SLC2A9: variants seen among roughly 807,000 people sequenced by gnomAD.
SLC2A9 encodes solute carrier family 2 member 9.
A neutral mutation model predicts 50.6 loss-of-function variants in SLC2A9; 39 were observed. The ratio of observed to expected loss-of-function variants is 0.77; its 90% CI spans 0.60 to 1.01. The LOEUF (loss-of-function observed/expected upper bound fraction) is 1.01. SLC2A9 is among the 50% of genes least tolerant of loss of function. The pLI, the probability that SLC2A9 is intolerant of heterozygous loss-of-function variation, is 0.00. For missense variants in SLC2A9, 686 were observed against 677.6 expected (o/e 1.01, Z -0.14); for synonymous variants, 324 against 276.9 (o/e 1.17, Z -1.69).
chr4:9,956,005 G>GT (rs1481416962), intron 5 of SLC2A9, among the ~76,000 whole-genome samples: 2 of 150,910 alleles, frequency 1.3e-5, no homozygotes, highest in Non-Finnish European at 2.9e-5. Context: ...AGCCTCCCGA[G>GT]TAGCTGGGAT....
At chr4:9,776,108 CA>C (rs1717529679), downstream of SLC2A9, among the ~76,000 whole-genome samples, 3 of 151,980 alleles carry the variant, frequency 2.0e-5, no homozygotes, top group South Asian at 6.2e-4. Flanking sequence ...CTGCCACAAA[CA>C]GCAAGTGAAA....
At chr4:9,837,964 C>T (rs1056693015) in intron 10 of SLC2A9, among the ~76,000 whole-genome samples, 2 of 152,162 alleles carry the variant, frequency 1.3e-5, no homozygotes, top group East Asian at 1.9e-4. Context: ...CTTTCTAGAA[C>T]GGAATTCTCT....
At position 9,909,240 on chromosome 4, in the gene SLC2A9, G is replaced by C. The variant is rs1029519308; in HGVS notation, c.1003-895C>G. 2.5e-4 allele frequency among the ~76,000 whole-genome samples: 38 copies of C among 152,300 alleles called. 1 individual carries two copies. The highest frequency in any genetic ancestry group is 8.7e-4 in the African/African-American group (36 of 41,550). On this transcript the variant is annotated intron_variant, in intron 7 of 11. Transcript: ENST00000264784. ...GAAAGAGTTAGCCTGTGCCCTTACT[G>C]ACTACACTGGTTCTGTAATTTATTA...
intron 10 of SLC2A9, among the ~76,000 whole-genome samples, chr4:9,856,214 A>C (rs1022495394): frequency 9.8e-5 from 15 of 152,380 alleles, no homozygotes; most frequent in Admixed American, 2.6e-4. Context: ...CAAACTATGC[A>C]TCTGACAAAG....
intron 3 of SLC2A9, chr4:9,782,139 G>A: frequency 1.9e-6 from 3 of 1,565,874 alleles, no homozygotes; most frequent in Non-Finnish European, 1.7e-6. Flanking sequence ...CCGCCACTGG[G>A]GCCCTCACAG....
chr4:9,975,192 T>C (rs1413900956), intron 5 of SLC2A9, among the ~76,000 whole-genome samples: 1 of 152,136 alleles, frequency 6.6e-6, no homozygotes, highest in Non-Finnish European at 1.5e-5. Flanking sequence ...GACATTGGCC[T>C]TGGGAAAGAA....
chr4:9,833,096 C>T (rs532253907), intron 11 of SLC2A9, among the ~76,000 whole-genome samples: 3 of 152,216 alleles, frequency 2.0e-5, no homozygotes, highest in Non-Finnish European at 4.4e-5. Context: ...ATTTTACTGA[C>T]ACCTGGCTCT....
chr4:9,946,506 C>T (rs1319046673), intron 5 of SLC2A9, among the ~76,000 whole-genome samples: 1 of 152,198 alleles, frequency 6.6e-6, no homozygotes, highest in Non-Finnish European at 1.5e-5. Context: ...GCCACTTATG[C>T]CTCTGACAGC....
At chr4:9,840,882 G>A (rs1296855370) in intron 10 of SLC2A9, among the ~76,000 whole-genome samples, 1 of 150,464 alleles carries the variant, frequency 6.6e-6, no homozygotes, top group Non-Finnish European at 1.5e-5. Context: ...GGAAGGCAAA[G>A]GGGAAGCAAG....
chr4:9,844,338 G>A (rs1436824674), intron 10 of SLC2A9, among the ~76,000 whole-genome samples: 6 of 151,738 alleles, frequency 4.0e-5, no homozygotes, highest in South Asian at 4.2e-4. Context: ...TAGAAAATAC[G>A]TGCTGATTAA....
intron 5 of SLC2A9, among the ~76,000 whole-genome samples, chr4:9,964,947 C>T (rs10007726): frequency 0.011 from 1,670 of 152,262 alleles, 33 homozygotes; most frequent in African/African-American, 0.039. Context: ...ATTATCACCC[C>T]GCTCTGAGAC....
chr4:10,016,158 T>A (rs1179540372), intron 2 of SLC2A9, among the ~76,000 whole-genome samples: 3 of 152,236 alleles, frequency 2.0e-5, no homozygotes, highest in Non-Finnish European at 4.4e-5. Context: ...CTGCGCATAC[T>A]GGCCACAGAG....
At chr4:9,938,502 A>T (rs1747542889) in intron 6 of SLC2A9, among the ~76,000 whole-genome samples, 1 of 152,008 alleles carries the variant, frequency 6.6e-6, no homozygotes, top group Non-Finnish European at 1.5e-5. Context: ...CGATCTCCTG[A>T]CCTCATGATC....
chr4:10,003,648 C>G (rs1246357201), intron 2 of SLC2A9, among the ~76,000 whole-genome samples: 1 of 152,200 alleles, frequency 6.6e-6, no homozygotes, highest in African/African-American at 2.4e-5. Flanking sequence ...CTTGTTACCA[C>G]AAGGCTGAAG....
intron 5 of SLC2A9, among the ~76,000 whole-genome samples, chr4:9,965,983 C>T (rs182706570): frequency 6.6e-6 from 1 of 152,280 alleles, no homozygotes. Flanking sequence ...TGATTATCAA[C>T]TAACGAAATG....
At chr4:9,895,009 AT>A (rs1405828597) in intron 8 of SLC2A9, among the ~76,000 whole-genome samples, 4 of 152,158 alleles carry the variant, frequency 2.6e-5, no homozygotes, top group African/African-American at 7.2e-5. Context: ...ATGTTTACTG[AT>A]TTCAGTATTT....
intron 1 of SLC2A9, among the ~76,000 whole-genome samples, chr4:10,019,747 C>T (rs1306444551): frequency 6.6e-6 from 1 of 152,260 alleles, no homozygotes; most frequent in East Asian, 1.9e-4. Flanking sequence ...ACTACAGGGG[C>T]TGGTCCAAGC....
chr4:9,781,970 T>TGGG, intron 3 of SLC2A9: 2 of 1,351,450 alleles, frequency 1.5e-6, no homozygotes, highest in Non-Finnish European at 1.9e-6. Flanking sequence ...TGGGGCTGCC[T>TGGG]GGGGGTCGCA....
At chr4:9,962,786 G>A (rs1752479700) in intron 5 of SLC2A9, among the ~76,000 whole-genome samples, 1 of 152,174 alleles carries the variant, frequency 6.6e-6, no homozygotes, top group Non-Finnish European at 1.5e-5. Context: ...GCAGAGGCAG[G>A]GAGTGGATGA....
Sources: allele counts gnomAD v4.1 joint callset (sites outside exome capture counted in the v4.1 genomes callset), GRCh38; gene constraint gnomAD v4.1.1; transcripts MANE v1.5; gene names NCBI Gene and HGNC (gene_info 2026-07-23, HGNC 2026-07-21).